Variants in OPRM1 observed in about 807,000 individuals in gnomAD.
OPRM1 encodes the protein opioid receptor mu 1.
In OPRM1, 27 loss-of-function variants were observed where a neutral mutation model predicts 31.8. The ratio of observed to expected loss-of-function variants is 0.85; its 90% CI spans 0.63 to 1.17. The LOEUF is 1.17. Among genes scored for constraint, OPRM1 ranks in the 50% most tolerant of loss-of-function variants. The pLI, the probability that OPRM1 is intolerant of heterozygous loss-of-function variation, is 0.00. For synonymous variants in OPRM1, 196 were observed against 189.9 expected (o/e 1.03, Z -0.26); for missense variants, 536 against 511.1 (o/e 1.05, Z -0.47).
At chr6:154,207,059 G>GGA (rs541428058) in intron 3 of OPRM1, among the ~76,000 whole-genome samples, 1 of 152,146 alleles carries the variant, frequency 6.6e-6, no homozygotes, top group Admixed American at 6.5e-5. Flanking sequence ...GTTTTTAGGA[G>GGA]GAGAGAGAGA....
At chr6:154,166,482 G>T (rs1343423468) in intron 3 of OPRM1, among the ~76,000 whole-genome samples, 1 of 152,198 alleles carries the variant, frequency 6.6e-6, no homozygotes, top group Non-Finnish European at 1.5e-5. Context: ...CCATTTCCTT[G>T]AATGTCCTTC....
At chr6:154,086,676 G>A (rs2128477371) in intron 1 of OPRM1, 1 of 985,176 alleles carries the variant, frequency 1.0e-6, no homozygotes, top group African/African-American at 1.7e-5. Context: ...TGAAGGAAAG[G>A]TTGGAAGTAT....
intron 1 of OPRM1, among the ~76,000 whole-genome samples, chr6:154,083,943 CAAAA>C (rs57976654): frequency 5.7e-4 from 20 of 35,160 alleles, no homozygotes; most frequent in East Asian, 6.9e-4. Flanking sequence ...GACTCCGTCT[CAAAA>C]AAAAAAAAAA....
chr6:154,223,532 G>T (rs1044723104), intron 3 of OPRM1, among the ~76,000 whole-genome samples: 2 of 141,430 alleles, frequency 1.4e-5, no homozygotes. Flanking sequence ...CCGGCCTCCT[G>T]TCTCTGTGGA....
chr6:154,139,641 A>G (rs937284065), intron 3 of OPRM1, among the ~76,000 whole-genome samples: 2 of 152,158 alleles, frequency 1.3e-5, no homozygotes, highest in Non-Finnish European at 2.9e-5. Flanking sequence ...TATCCTTAAA[A>G]TGAGAAAGGG....
intron 1 of OPRM1, among the ~76,000 whole-genome samples, chr6:154,069,823 T>G (rs1394390515): frequency 6.6e-6 from 1 of 152,172 alleles, no homozygotes; most frequent in Non-Finnish European, 1.5e-5. Flanking sequence ...AAACTTAAGG[T>G]CTTCTCAGGC....
chr6:154,036,676 C>T (rs1386491375), upstream of OPRM1, among the ~76,000 whole-genome samples: 1 of 151,600 alleles, frequency 6.6e-6, no homozygotes, highest in Non-Finnish European at 1.5e-5. Context: ...TAAGGTTTTC[C>T]CATAAAGATG....
chr6:154,011,887 A>G (rs1033422322), intron 1 of OPRM1, among the ~76,000 whole-genome samples: 1 of 152,160 alleles, frequency 6.6e-6, no homozygotes, highest in African/African-American at 2.4e-5. Flanking sequence ...TCAGAAATAA[A>G]AAGGGTGATA....
rs1562491624 is a variant in OPRM1 at position 154,122,018 on chromosome 6, T to C, written c.*3297T>C. ...TACCAAGATAAGATGGCACTAGAAA[T>C]TTCTCCAGCTTACGCCATGAATACT... On this transcript the variant is annotated 3_prime_UTR_variant, in exon 4 of 4. Transcript: ENST00000330432. 6.6e-6 allele frequency among the ~76,000 whole-genome samples: 1 copy of C among 152,174 alleles called. No individual in the cohort carries two copies. The highest frequency in any genetic ancestry group is 1.5e-5 in the Non-Finnish European group (1 of 68,022).
rs1008507402 is a variant in OPRM1, at chr6:154,131,270, A to G, written c.*12549A>G. 2.6e-5 allele frequency among the ~76,000 whole-genome samples: 4 copies of G among 152,238 alleles called. No homozygotes were observed. Among genetic ancestry groups the G allele is most frequent in the Non-Finnish European group, 5.9e-5 (4 of 68,048 alleles). The stretch of plus-strand genomic sequence containing the variant: ...AAAATATTGTAAAGAATCTGAGTAA[A>G]TGAGAGCCTCTCATGGTTGATTAAG... On this transcript the variant is annotated 3_prime_UTR_variant, in exon 4 of 4. Transcript: ENST00000330432.
intron 3 of OPRM1, among the ~76,000 whole-genome samples, chr6:154,230,488 G>A (rs574429396): frequency 1.3e-3 from 196 of 152,112 alleles, no homozygotes; most frequent in South Asian, 3.7e-3. Flanking sequence ...TGCCCTTTTC[G>A]TACCACAAGT....
intron 3 of OPRM1, among the ~76,000 whole-genome samples, chr6:154,165,024 C>T (rs2128551119): frequency 6.6e-6 from 1 of 152,280 alleles, no homozygotes; most frequent in East Asian, 1.9e-4. Flanking sequence ...CAAATATAAA[C>T]ATTATTGTTA....
intron 1 of OPRM1, among the ~76,000 whole-genome samples, chr6:154,078,644 G>T (rs1426970254): frequency 6.6e-6 from 1 of 152,224 alleles, no homozygotes; most frequent in African/African-American, 2.4e-5. Context: ...GCCAAGGAGG[G>T]AGGACCACTT....
At chr6:154,063,850 G>A (rs1455328576) in intron 1 of OPRM1, among the ~76,000 whole-genome samples, 2 of 152,010 alleles carry the variant, frequency 1.3e-5, no homozygotes, top group Admixed American at 6.5e-5. Flanking sequence ...TTTGAAGGAT[G>A]AATAACATTT....
intron 1 of OPRM1, among the ~76,000 whole-genome samples, chr6:154,067,989 C>G (rs78707153): frequency 6.6e-6 from 1 of 152,042 alleles, no homozygotes; most frequent in Non-Finnish European, 1.5e-5. Context: ...TTTACTGAGA[C>G]CTTTATTTCT....
At chr6:154,191,034 C>T (rs182719013) in intron 3 of OPRM1, among the ~76,000 whole-genome samples, 35 of 151,770 alleles carry the variant, frequency 2.3e-4, no homozygotes, top group Admixed American at 5.9e-4. Flanking sequence ...GCAGCCTGGA[C>T]GACAGAGAGA....
Position 154,047,330 on chromosome 6 carries a change from G to A in OPRM1, c.290+7496G>A, listed in dbSNP as rs189053937. On this transcript the variant is annotated intron_variant, in intron 1 of 3. Coordinates refer to ENST00000330432, the MANE Select transcript of OPRM1 (RefSeq NM_000914.5). Reference sequence around the variant, plus strand: ...ACCTGAGGGCCTGGGTGCAAGATGGGGAAAGACAAGGAATGAAAAACAGTG... The same window carrying A: ...ACCTGAGGGCCTGGGTGCAAGATGGAGAAAGACAAGGAATGAAAAACAGTG... 2.7e-3 allele frequency among the ~76,000 whole-genome samples: 417 copies of A among 152,120 alleles called. 2 individuals are homozygous for A. Among genetic ancestry groups the A allele is most frequent in the African/African-American group, 9.3e-3 (387 of 41,478 alleles).
intron 1 of OPRM1, among the ~76,000 whole-genome samples, chr6:154,050,980 A>G (rs1782091697): frequency 6.6e-6 from 1 of 152,196 alleles, no homozygotes; most frequent in Admixed American, 6.5e-5. Context: ...TCAAAACTAA[A>G]TTGATTCCTG....
chr6:154,213,075 A>G (rs954671823), intron 3 of OPRM1: 9 of 517,388 alleles, frequency 1.7e-5, no homozygotes, highest in East Asian at 3.0e-5. Flanking sequence ...AGCATCCAAT[A>G]TGCAGGAAGA....
Sources: gnomAD v4.1 joint callset for allele counts (sites outside exome capture counted in the v4.1 genomes callset) on GRCh38, gnomAD v4.1.1 for gene constraint, MANE v1.5 for transcripts, NCBI Gene and HGNC (gene_info 2026-07-23, HGNC 2026-07-21) for gene names.